The following VPS53 variants were observed in gnomAD, a reference collection of about 807,000 sequenced individuals.
The protein encoded by VPS53 is vacuolar protein sorting-associated protein 53 homolog.
A neutral mutation model predicts 107.0 loss-of-function variants in VPS53; 70 were observed. That is an observed-to-expected ratio of 0.65 (90% CI 0.54 to 0.80). The LOEUF (loss-of-function observed/expected upper bound fraction) is 0.80. Among genes scored for constraint, VPS53 ranks in the 30% least tolerant of loss-of-function variants. The pLI is 0.00. For synonymous variants in VPS53, 409 were observed against 393.3 expected (o/e 1.04, Z -0.47); for missense variants, 917 against 1,049.4 (o/e 0.87, Z 1.74).
intron 19 of VPS53, among the ~76,000 whole-genome samples, chr17:522,034 G>A (rs550656334): frequency 2.6e-5 from 4 of 152,214 alleles, no homozygotes; most frequent in South Asian, 2.1e-4. Flanking sequence ...CAGCAGGATC[G>A]CTTGAGCTCA....
At chr17:602,453 C>T (rs761892770) in intron 11 of VPS53, among the ~76,000 whole-genome samples, 8 of 152,218 alleles carry the variant, frequency 5.3e-5, no homozygotes, top group Non-Finnish European at 8.8e-5. Context: ...TCTAGATTAA[C>T]AGATGTCTCT....
intron 7 of VPS53, among the ~76,000 whole-genome samples, chr17:640,556 T>A (rs1363062228): frequency 2.0e-5 from 3 of 152,104 alleles, no homozygotes; most frequent in Non-Finnish European, 4.4e-5. Flanking sequence ...TATGTCGCCA[T>A]GTTCTTCATT....
rs989831064 is a variant in VPS53, at chr17:517,083, T to C, written c.*2045A>G. ...GGGCCCCACCGCCCCTTTTCAACTG[T>C]ACGGCTCAGGCTGCTTAACCATAGC... On this transcript the variant is annotated 3_prime_UTR_variant, in exon 22 of 22. Coordinates refer to ENST00000437048, the MANE Select transcript of VPS53 (RefSeq NM_001128159.3). 14 of 196,162 alleles carry C rather than the reference T, an allele frequency of 7.1e-5. No individual in the cohort carries two copies. Among genetic ancestry groups the C allele is most frequent in the Non-Finnish European group, 1.4e-4 (14 of 97,568 alleles). 12.2% of individuals were successfully genotyped at this position (196,162 alleles called of 1,614,324 possible). A position where few individuals can be genotyped will look rare whatever the true frequency, so the allele number is the denominator to read the frequency against.
chr17:562,419 TA>T, intron 14 of VPS53, 83 bp downstream of exon 14: 1 of 1,570,610 alleles, frequency 6.4e-7, no homozygotes, highest in South Asian at 1.1e-5. Flanking sequence ...GGTGGTTTAG[TA>T]AACAACTTCA....
intron 12 of VPS53, among the ~76,000 whole-genome samples, chr17:586,947 C>T (rs1967352539): frequency 6.6e-6 from 1 of 151,828 alleles, no homozygotes; most frequent in South Asian, 2.1e-4. Context: ...TTTTTGAATT[C>T]CATCAGTAAG....
At chr17:554,411 CT>C (rs1245743788) in intron 15 of VPS53, among the ~76,000 whole-genome samples, 5 of 151,304 alleles carry the variant, frequency 3.3e-5, no homozygotes, top group Admixed American at 6.6e-5. Context: ...ATGTTTTGGC[CT>C]TTTTTTTTGA....
At chr17:618,299 C>A (rs1235357896) in intron 11 of VPS53, among the ~76,000 whole-genome samples, 1 of 94,684 alleles carries the variant, frequency 1.1e-5, no homozygotes, top group African/African-American at 3.3e-5. Context: ...TACAGGCGTG[C>A]GCCACCACGC....
chr17:669,964 G>C lies in VPS53; in HGVS notation c.286-8069C>G, dbSNP rs112472220. On this transcript the variant is annotated intron_variant, in intron 4 of 21. Transcript: ENST00000437048. ...GGCTACTTTCCATTCCAAGCTGTAT[G>C]TGGATTAAAAACAGAACTAATCACT... 9.9e-3 allele frequency among the ~76,000 whole-genome samples: 1,510 copies of C among 152,044 alleles called. 25 individuals are homozygous for C. Among genetic ancestry groups the C allele is most frequent in the African/African-American group, 0.034 (1,413 of 41,506 alleles).
At chr17:671,736 C>T (rs1293506537) in intron 4 of VPS53, among the ~76,000 whole-genome samples, 2 of 147,984 alleles carry the variant, frequency 1.4e-5, no homozygotes, top group Non-Finnish European at 3.0e-5. Context: ...GACAGAGTCA[C>T]GCTTCGTCGT....
intron 4 of VPS53, among the ~76,000 whole-genome samples, chr17:687,063 T>A (rs978059487): frequency 6.6e-6 from 1 of 152,108 alleles, no homozygotes; most frequent in Admixed American, 6.5e-5. Flanking sequence ...GGTGGGCAGA[T>A]CACCTGAGAT....
intron 4 of VPS53, among the ~76,000 whole-genome samples, chr17:678,154 G>A (rs1972240085): frequency 6.6e-6 from 1 of 152,082 alleles, no homozygotes; most frequent in Non-Finnish European, 1.5e-5. Flanking sequence ...GGTGGCTCAC[G>A]CCTGAAGTCC....
chr17:611,348 C>T (rs903157100), intron 11 of VPS53, among the ~76,000 whole-genome samples: 1 of 152,116 alleles, frequency 6.6e-6, no homozygotes, highest in African/African-American at 2.4e-5. Context: ...TGTGCAATGT[C>T]ACTAGTCAAT....
In VPS53 at chr17:631,536, A is replaced by G. The variant is rs1474360312; in HGVS notation, c.687+14T>C. On this transcript the variant is annotated intron_variant, in intron 8 of 21. Transcript: ENST00000437048. ...GTGATCATCTCTAAAGACTGGGGAA[A>G]CGCAAAGCAGTACCTTGGTGCCCTG... The G allele has an allele frequency of 6.2e-7, 1 of 1,613,682 alleles. No homozygotes were observed. The highest frequency in any genetic ancestry group is 8.5e-7 in the Non-Finnish European group (1 of 1,179,706).
intron 1 of VPS53, among the ~76,000 whole-genome samples, chr17:711,240 A>T (rs1973632168): frequency 6.6e-6 from 1 of 152,202 alleles, no homozygotes; most frequent in Non-Finnish European, 1.5e-5. Context: ...ACATACAGCT[A>T]ACTCCCTAAC....
intron 12 of VPS53, among the ~76,000 whole-genome samples, chr17:599,420 T>G (rs936132642): frequency 1.8e-4 from 27 of 152,128 alleles, no homozygotes; most frequent in African/African-American, 6.3e-4. Context: ...AAACTTCTTC[T>G]GCCTTGGGAT....
intron 10 of VPS53, among the ~76,000 whole-genome samples, chr17:624,829 C>G (rs1246090513): frequency 6.6e-6 from 1 of 152,146 alleles, no homozygotes; most frequent in African/African-American, 2.4e-5. Flanking sequence ...TAGAAGGTGA[C>G]AATCTCAACT....
Position 520,786 on chromosome 17 carries a change from T to TTCACCCTCACCTACATGAGCTG in VPS53, c.2223+814_2223+815insCAGCTCATGTAGGTGAGGGTGA, listed in dbSNP as rs762513721. ...CAGCTTCACCCTCACCTACATGAGC[T>TTCACCCTCACCTACATGAGCTG]CTTCACCCTCACCTACATGAGCTGC... On this transcript the variant is annotated intron_variant, in intron 20 of 21. Coordinates refer to ENST00000437048, the MANE Select transcript of VPS53 (RefSeq NM_001128159.3). The surrounding 1 kb of genome is among the most constrained non-coding windows in gnomAD (Gnocchi z 4.4). 8.6e-6 allele frequency among the ~76,000 whole-genome samples: 1 copy of TTCACCCTCACCTACATGAGCTG among 116,050 alleles called. No individual in the cohort carries two copies. 76.1% of individuals were successfully genotyped at this position (116,050 alleles called of 152,430 possible).
chr17:687,682 G>A (rs918780653), intron 4 of VPS53, among the ~76,000 whole-genome samples: 6 of 152,118 alleles, frequency 3.9e-5, no homozygotes, highest in Middle Eastern at 6.8e-3. Flanking sequence ...AGGGCGCAGC[G>A]AGCTGTGATT....
intron 7 of VPS53, among the ~76,000 whole-genome samples, chr17:637,722 T>C (rs1423054951): frequency 2.0e-5 from 3 of 152,164 alleles, no homozygotes; most frequent in Non-Finnish European, 4.4e-5. Flanking sequence ...AGTAGTTGAG[T>C]GGTTTTGAGT....
Sources: allele counts gnomAD v4.1 joint callset (sites outside exome capture counted in the v4.1 genomes callset), GRCh38; gene constraint gnomAD v4.1.1; non-coding constraint Gnocchi (gnomAD v3.1); transcripts MANE v1.5; gene names NCBI Gene and HGNC (gene_info 2026-07-23, HGNC 2026-07-21).